The following AFF2 variants were observed in gnomAD, a reference collection of about 807,000 sequenced individuals.
The protein encoded by AFF2 is AF4/FMR2 family member 2.
A neutral mutation model predicts 76.9 loss-of-function variants in AFF2; 14 were observed. The ratio of observed to expected loss-of-function variants is 0.18; its 90% CI spans 0.12 to 0.28. AFF2 has a LOEUF of 0.28. Among genes scored for constraint, AFF2 ranks in the 10% least tolerant of loss-of-function variants. AFF2 has a pLI of 1.00. For missense variants in AFF2, 868 were observed against 1,001.1 expected, an observed-to-expected ratio of 0.87 and a Z score of 1.79; for synonymous variants, 398 against 366.7, an observed-to-expected ratio of 1.09 and a Z score of -0.98.
intron 20 of AFF2, among the ~76,000 whole-genome samples, 178 bp downstream of exon 20, chrX:148,987,735 G>C (rs782064154): frequency 9.0e-6 from 1 of 111,436 alleles, no homozygotes; most frequent in Non-Finnish European, 1.9e-5. Context: ...ATTCCTGAGA[G>C]CATAAAAAAG....
At chrX:148,714,181 A>G (rs1557263145) in intron 3 of AFF2, among the ~76,000 whole-genome samples, 1 of 111,033 alleles carries the variant, frequency 9.0e-6, no homozygotes, top group Non-Finnish European at 1.9e-5. Context: ...TTCCATTTCT[A>G]TGATGCATTT....
At chrX:148,872,752 G>A (rs375485882) in intron 7 of AFF2, among the ~76,000 whole-genome samples, 1 of 111,431 alleles carries the variant, frequency 9.0e-6, no homozygotes, top group African/African-American at 3.3e-5. Flanking sequence ...TTGGGTTCTC[G>A]TAAAAACCCT....
intron 1 of AFF2, among the ~76,000 whole-genome samples, chrX:148,518,347 T>C (rs1025638832): frequency 1.8e-5 from 2 of 112,169 alleles, no homozygotes; most frequent in Non-Finnish European, 3.8e-5. Context: ...GTTTATTGTA[T>C]TTACTTGGGC....
intron 1 of AFF2, among the ~76,000 whole-genome samples, chrX:148,538,116 G>A (rs2052806939): frequency 1.8e-5 from 2 of 112,595 alleles, no homozygotes; most frequent in Admixed American, 1.9e-4. Flanking sequence ...AAACACTGAC[G>A]GGTATTTGAC....
At chrX:148,892,437 T>C (rs1316961670) in intron 8 of AFF2, among the ~76,000 whole-genome samples, 2 of 111,382 alleles carry the variant, frequency 1.8e-5, no homozygotes, top group Admixed American at 1.9e-4. Context: ...CATTTTGATT[T>C]GTTTGTTGTT....
At chrX:148,805,454 T>C (rs1557271254) in intron 3 of AFF2, among the ~76,000 whole-genome samples, 1 of 111,183 alleles carries the variant, frequency 9.0e-6, no homozygotes, top group African/African-American at 3.3e-5. Flanking sequence ...GTGTTGATCA[T>C]TATTCTATTA....
Position 148,662,114 on chromosome X carries a change from T to C in AFF2, c.387T>C (p.Asn129=), listed in dbSNP as rs2054312061. The change falls in exon 3 of 21, where the codon AAT becomes AAC. Residue 129 remains asparagine, a synonymous_variant. Coordinates refer to ENST00000370460, the MANE Select transcript of AFF2 (RefSeq NM_002025.4). ...KNRIIPPHQD[N]THPSAPMPPP... ...GAATAATTCCACCTCACCAGGATAA[T>C]ACCCATCCTTCAGCACCAATGCCTC... 1 of 1,206,224 alleles carries C rather than the reference T, an allele frequency of 8.3e-7. No homozygotes were observed.
chrX:148,669,418 CT>C (rs1210871502), intron 3 of AFF2, among the ~76,000 whole-genome samples: 1 of 111,912 alleles, frequency 8.9e-6, no homozygotes, highest in Non-Finnish European at 1.9e-5. Flanking sequence ...CATTTTCATG[CT>C]GCCGATAAAG....
At chrX:148,606,608 A>G (rs2053675009) in intron 1 of AFF2, among the ~76,000 whole-genome samples, 1 of 111,743 alleles carries the variant, frequency 8.9e-6, no homozygotes, top group Non-Finnish European at 1.9e-5. Context: ...AGCCTTGTAG[A>G]TGCTATAGCA....
intron 19 of AFF2, among the ~76,000 whole-genome samples, chrX:148,984,384 A>C (rs1285485932): frequency 9.0e-6 from 1 of 111,355 alleles, no homozygotes; most frequent in Non-Finnish European, 1.9e-5. Context: ...AATGTGGAAA[A>C]AAGGGTGAGA....
Position 148,998,700 on chromosome X carries a change from A to C in AFF2, c.*7368A>C, listed in dbSNP as rs1307518115. 9.0e-6 allele frequency: 1 copy of C among 111,700 alleles called. No homozygotes were observed. The highest frequency in any genetic ancestry group is 1.9e-5 in the Non-Finnish European group (1 of 53,134). 9.2% of individuals were successfully genotyped at this position (111,700 alleles called of 1,213,427 possible). On this transcript the variant is annotated 3_prime_UTR_variant, in exon 21 of 21. Coordinates refer to ENST00000370460, the MANE Select transcript of AFF2 (RefSeq NM_002025.4). ...TCTGTAACCATTATAAATATGAAAA[A>C]AACCTCTTCAAAAAATTTCCCATAG... is the stretch of plus-strand genomic sequence containing the variant.
intron 7 of AFF2, among the ~76,000 whole-genome samples, chrX:148,882,808 A>G (rs2071113749): frequency 8.9e-6 from 1 of 112,204 alleles, no homozygotes; most frequent in Non-Finnish European, 1.9e-5. Flanking sequence ...ATATTCAATA[A>G]TAAAGCTTAA....
chrX:148,795,483 T>A (rs181503029), intron 3 of AFF2, among the ~76,000 whole-genome samples: 216 of 108,693 alleles, frequency 2.0e-3, no homozygotes, highest in African/African-American at 7.1e-3. Flanking sequence ...GGTAAAACAT[T>A]TAGAAATTAA....
At chrX:148,923,128 C>T (rs182511301) in intron 9 of AFF2, among the ~76,000 whole-genome samples, 6 of 111,681 alleles carry the variant, frequency 5.4e-5, no homozygotes, top group Admixed American at 9.5e-5. Flanking sequence ...TTGTGCTGTG[C>T]TCATTGTTAC....
At chrX:148,865,736 C>G (rs185343419) in intron 7 of AFF2, among the ~76,000 whole-genome samples, 2 of 111,960 alleles carry the variant, frequency 1.8e-5, no homozygotes, top group East Asian at 5.7e-4. Flanking sequence ...ATGGTTTTAT[C>G]TTTGCCACTT....
At chrX:148,732,892 A>T (rs782261329) in intron 3 of AFF2, among the ~76,000 whole-genome samples, 1 of 111,391 alleles carries the variant, frequency 9.0e-6, no homozygotes, top group African/African-American at 3.3e-5. Flanking sequence ...TAATTCAATA[A>T]CTCAGCAGCC....
chrX:148,991,530 T>G lies in AFF2; in HGVS notation c.*198T>G, dbSNP rs1158302671. 1 of 381,205 alleles carries G rather than the reference T, an allele frequency of 2.6e-6. No homozygotes were observed. The highest frequency in any genetic ancestry group is 2.6e-5 in the African/African-American group (1 of 38,037). The allele number at this position is 381,205 out of a possible 1,213,427, so 31.4% of individuals were successfully genotyped here. On this transcript the variant is annotated 3_prime_UTR_variant, in exon 21 of 21. Transcript: ENST00000370460. ...TTAAGGGCAGTGTACGTTTTATTAC[T>G]TAGTCATTTTTTTTCTTTTAGCATT...
chrX:148,983,968 A>AAAAAAAAAAC (rs1431816827), intron 19 of AFF2, among the ~76,000 whole-genome samples: 1 of 103,450 alleles, frequency 9.7e-6, no homozygotes, highest in African/African-American at 3.5e-5. Context: ...AAAAAAAAAA[A>AAAAAAAAAAC]CTGCCCTCAT....
At chrX:148,771,960 T>C (rs144477748) in intron 3 of AFF2, among the ~76,000 whole-genome samples, 2 of 111,433 alleles carry the variant, frequency 1.8e-5, no homozygotes, top group Non-Finnish European at 3.8e-5. Flanking sequence ...TAAAGACAGA[T>C]GGAAAGTTTA....
Sources: gnomAD v4.1 joint callset for allele counts (sites outside exome capture counted in the v4.1 genomes callset) on GRCh38, gnomAD v4.1.1 for gene constraint, MANE v1.5 for transcripts, NCBI Gene and HGNC (gene_info 2026-07-23, HGNC 2026-07-21) for gene names.